Variants in COL22A1 observed in about 807,000 individuals in gnomAD.
COL22A1 encodes the protein collagen type XXII alpha 1 chain, also known as collagen alpha-1(XXII) chain.
Under a neutral mutation model 248.9 loss-of-function variants are expected in COL22A1, and 221 were observed. That is an observed-to-expected ratio of 0.89 (90% confidence interval 0.80 to 0.99). The LOEUF is 0.99. Ranked by LOEUF, COL22A1 falls within the 50% of genes least tolerant of loss-of-function variation. The probability of loss-of-function intolerance (pLI) is 0.00; values close to 1 mark genes in which losing one functional copy is unlikely to be tolerated. For synonymous variants in COL22A1, 891 were observed against 793.4 expected, an observed-to-expected ratio of 1.12 and a Z score of -2.07; for missense variants, 2,240 against 2,179.0, an observed-to-expected ratio of 1.03 and a Z score of -0.56.
intron 3 of COL22A1, among the ~76,000 whole-genome samples, chr8:138,857,090 C>T (rs1313688075): frequency 3.3e-5 from 5 of 152,084 alleles, no homozygotes; most frequent in Non-Finnish European, 7.4e-5. Context: ...CATTTCCTCC[C>T]CTCTCCTCCA....
intron 51 of COL22A1, among the ~76,000 whole-genome samples, chr8:138,624,658 C>G (rs1259865562): frequency 1.3e-5 from 2 of 152,148 alleles, no homozygotes; most frequent in African/African-American, 4.8e-5. Context: ...GTACGTATTT[C>G]CTAACTGCTA....
intron 3 of COL22A1, among the ~76,000 whole-genome samples, chr8:138,850,185 C>T (rs1324966110): frequency 1.3e-5 from 2 of 152,150 alleles, no homozygotes; most frequent in African/African-American, 4.8e-5. Context: ...TCCTGGCTTG[C>T]ATTTCTCCTC....
At chr8:138,721,098 AT>A (rs1485804704) in intron 26 of COL22A1, among the ~76,000 whole-genome samples, 2 of 152,252 alleles carry the variant, frequency 1.3e-5, no homozygotes, top group East Asian at 1.9e-4. Flanking sequence ...AATAAAAAAA[AT>A]ACTTGGTCAG....
chr8:138,694,940 T>C (rs1190025161), intron 32 of COL22A1, 61 bp from the exon 33 acceptor site: 9 of 1,546,688 alleles, frequency 5.8e-6, no homozygotes, highest in Non-Finnish European at 8.0e-6. Context: ...CGTCACAGGG[T>C]ACATGTCCCC....
intron 2 of COL22A1, among the ~76,000 whole-genome samples, chr8:138,879,362 G>C (rs1823998102): frequency 6.6e-6 from 1 of 152,096 alleles, no homozygotes; most frequent in Non-Finnish European, 1.5e-5. Flanking sequence ...CCAATCTCTA[G>C]AATGCTGCAC....
intron 18 of COL22A1, among the ~76,000 whole-genome samples, chr8:138,758,731 T>A (rs1833224770): frequency 6.6e-6 from 1 of 152,200 alleles, no homozygotes; most frequent in Non-Finnish European, 1.5e-5. Flanking sequence ...TCACCTGAGC[T>A]TCACTGGTTT....
At chr8:138,884,368 C>G (rs1352856650) in intron 1 of COL22A1, among the ~76,000 whole-genome samples, 1 of 152,176 alleles carries the variant, frequency 6.6e-6, no homozygotes, top group Non-Finnish European at 1.5e-5. Context: ...TACACACAGT[C>G]AGTAAGTACC....
At chr8:138,614,333 T>C (rs1455429436) in intron 55 of COL22A1, among the ~76,000 whole-genome samples, 1 of 152,226 alleles carries the variant, frequency 6.6e-6, no homozygotes. Context: ...GCATAGGACC[T>C]GCCAGCTTGC....
At chr8:138,675,223 G>T (rs1825417714) in intron 41 of COL22A1, among the ~76,000 whole-genome samples, 1 of 152,182 alleles carries the variant, frequency 6.6e-6, no homozygotes, top group African/African-American at 2.4e-5. Context: ...GGACGAAGGA[G>T]AATTTCAGGG....
intron 50 of COL22A1, 90 bp from the exon 51 acceptor site, chr8:138,626,333 G>C (rs867460332): frequency 4.0e-6 from 4 of 1,003,830 alleles, no homozygotes; most frequent in Middle Eastern, 2.1e-4. Context: ...TTCATGGGTT[G>C]GGGGAGTGAG....
chr8:138,836,297 AGGAAAG>A (rs530791872), intron 4 of COL22A1, among the ~76,000 whole-genome samples: 191 of 152,252 alleles, frequency 1.3e-3, no homozygotes, highest in African/African-American at 4.4e-3. Context: ...AGAAAAGGAA[AGGAAAG>A]GGAAAGGGAA....
intron 26 of COL22A1, among the ~76,000 whole-genome samples, chr8:138,721,583 C>T (rs554938604): frequency 5.9e-5 from 9 of 151,616 alleles, no homozygotes; most frequent in African/African-American, 1.2e-4. Context: ...CATAAATAAA[C>T]GTATTTCTAA....
chr8:138,623,157 G>A (rs1438043661), intron 52 of COL22A1, among the ~76,000 whole-genome samples: 1 of 149,920 alleles, frequency 6.7e-6, no homozygotes, highest in Non-Finnish European at 1.5e-5. Flanking sequence ...GTGTGCCCCT[G>A]GACAGCTGAC....
At chr8:138,692,120 ATGTG>A (rs1207118967) in intron 35 of COL22A1, among the ~76,000 whole-genome samples, 2 of 10,716 alleles carry the variant, frequency 1.9e-4, no homozygotes, top group Non-Finnish European at 3.5e-4. Flanking sequence ...AGGTGTGTGT[ATGTG>A]TGTACGTGTG....
At chr8:138,864,402 G>A (rs1480006564) in intron 3 of COL22A1, among the ~76,000 whole-genome samples, 2 of 151,634 alleles carry the variant, frequency 1.3e-5, no homozygotes, top group Non-Finnish European at 2.9e-5. Flanking sequence ...CAGGAGTTAC[G>A]AAGAGAAGGA....
chr8:138,804,773 G>A (rs954702639), intron 10 of COL22A1, among the ~76,000 whole-genome samples: 5 of 143,608 alleles, frequency 3.5e-5, no homozygotes, highest in Admixed American at 2.0e-4. Context: ...ATGGGTGTGT[G>A]TGTGATGAGG....
chr8:138,833,400 T>C (rs1042283927), intron 4 of COL22A1, among the ~76,000 whole-genome samples: 4 of 152,164 alleles, frequency 2.6e-5, no homozygotes, highest in Non-Finnish European at 5.9e-5. Context: ...CAAGAAAATG[T>C]GTGTGCATGT....
At chr8:138,816,153 G>A (rs543306394) in intron 7 of COL22A1, among the ~76,000 whole-genome samples, 10 of 152,298 alleles carry the variant, frequency 6.6e-5, no homozygotes, top group African/African-American at 1.4e-4. Context: ...TGGCAAGGCC[G>A]CAGGGACAGG....
chr8:138,791,839 CA>C (rs34129279), intron 12 of COL22A1, among the ~76,000 whole-genome samples: 1 of 152,042 alleles, frequency 6.6e-6, no homozygotes, highest in African/African-American at 2.4e-5. Context: ...TTCTGTGACC[CA>C]AAATTCTATC....
Sources: allele counts gnomAD v4.1 joint callset (sites outside exome capture counted in the v4.1 genomes callset), GRCh38; gene constraint gnomAD v4.1.1; transcripts MANE v1.5; gene names NCBI Gene and HGNC (gene_info 2026-07-23, HGNC 2026-07-21).